Variants in PDE1C observed in about 807,000 individuals in gnomAD.
PDE1C encodes dual specificity calcium/calmodulin-dependent 3',5'-cyclic nucleotide phosphodiesterase 1C.
A neutral mutation model predicts 93.1 loss-of-function variants in PDE1C; 62 were observed. That is an observed-to-expected ratio of 0.67 (90% CI 0.54 to 0.82). The LOEUF is 0.82. PDE1C is among the 40% of genes least tolerant of loss of function. PDE1C has a pLI of 0.00. For missense variants in PDE1C, 742 were observed against 884.6 expected, an observed-to-expected ratio of 0.84 and a Z score of 2.04; for synonymous variants, 325 against 310.1, an observed-to-expected ratio of 1.05 and a Z score of -0.50.
intron 1 of PDE1C, among the ~76,000 whole-genome samples, chr7:32,311,162 A>G (rs1334299357): frequency 6.6e-6 from 1 of 152,258 alleles, no homozygotes; most frequent in Admixed American, 6.5e-5. Context: ...GAAGAAATGG[A>G]TAAATTCCTC....
chr7:32,182,327 C>T (rs1405286469), intron 2 of PDE1C, among the ~76,000 whole-genome samples: 2 of 152,222 alleles, frequency 1.3e-5, no homozygotes, highest in African/African-American at 2.4e-5. Context: ...GATACCAAAG[C>T]CTGGCAGAGA....
chr7:32,051,601 A>G, intron 1 of PDE1C, 21 bp from the exon 2 acceptor site: 4 of 1,611,798 alleles, frequency 2.5e-6, no homozygotes, highest in Non-Finnish European at 3.4e-6. Context: ...AGGCATAAAC[A>G]TATATCAGAA....
intron 2 of PDE1C, among the ~76,000 whole-genome samples, chr7:31,973,531 T>C (rs1427672436): frequency 6.6e-6 from 1 of 152,200 alleles, no homozygotes; most frequent in Non-Finnish European, 1.5e-5. Context: ...CAAGCTGATA[T>C]ACAAATGGAT....
chr7:31,904,718 T>C (rs1800381490), intron 2 of PDE1C, among the ~76,000 whole-genome samples: 1 of 152,112 alleles, frequency 6.6e-6, no homozygotes, highest in South Asian at 2.1e-4. Flanking sequence ...GTAAAATTAA[T>C]ATTTTAATTG....
At chr7:32,001,891 C>G (rs1443050691) in intron 2 of PDE1C, among the ~76,000 whole-genome samples, 1 of 152,092 alleles carries the variant, frequency 6.6e-6, no homozygotes, top group Non-Finnish European at 1.5e-5. Flanking sequence ...AAAACCCCAC[C>G]TCTACTAAAA....
the PDE1C span, among the ~76,000 whole-genome samples, chr7:31,693,299 C>T: frequency 7.2e-5 from 11 of 152,284 alleles, no homozygotes; most frequent in African/African-American, 2.4e-4. Flanking sequence ...AGGTTTGTAC[C>T]TCAAGAGACC....
intron 1 of PDE1C, among the ~76,000 whole-genome samples, chr7:32,229,705 C>T (rs1024726068): frequency 6.6e-6 from 1 of 152,154 alleles, no homozygotes; most frequent in Non-Finnish European, 1.5e-5. Flanking sequence ...AGAATACAGG[C>T]CCAAAGAGGG....
upstream of PDE1C, among the ~76,000 whole-genome samples, chr7:32,074,116 G>A (rs901229987): frequency 3.9e-5 from 6 of 152,032 alleles, no homozygotes; most frequent in African/African-American, 1.5e-4. Flanking sequence ...CTAAGTCTAT[G>A]GACTAGCCAA....
chr7:32,271,640 A>G (rs542038910), intron 1 of PDE1C, among the ~76,000 whole-genome samples: 1 of 152,344 alleles, frequency 6.6e-6, no homozygotes, highest in Non-Finnish European at 1.5e-5. Flanking sequence ...AGAAGAACTT[A>G]TTGACAAACA....
chr7:32,181,409 C>T (rs553890925), intron 2 of PDE1C, among the ~76,000 whole-genome samples: 1 of 152,288 alleles, frequency 6.6e-6, no homozygotes, highest in East Asian at 1.9e-4. Context: ...TAAAGCACTC[C>T]TCAGCAAATG....
chr7:32,206,075 A>G (rs559238750), intron 2 of PDE1C, among the ~76,000 whole-genome samples: 3 of 152,276 alleles, frequency 2.0e-5, no homozygotes, highest in Admixed American at 2.0e-4. Flanking sequence ...TTAGAGGGGT[A>G]AGGTTACCTG....
At chr7:31,988,155 C>A (rs1783658894) in intron 2 of PDE1C, among the ~76,000 whole-genome samples, 1 of 152,190 alleles carries the variant, frequency 6.6e-6, no homozygotes, top group African/African-American at 2.4e-5. Context: ...GTGGCTTCAC[C>A]CTCTGCCCTG....
intron 1 of PDE1C, among the ~76,000 whole-genome samples, chr7:32,412,420 C>T (rs1468911025): frequency 2.7e-5 from 4 of 146,914 alleles, no homozygotes; most frequent in South Asian, 4.3e-4. Context: ...CACACCACTG[C>T]ACTACAGTCT....
intron 3 of PDE1C, among the ~76,000 whole-genome samples, chr7:32,089,333 C>T (rs1046683725): frequency 6.6e-6 from 1 of 152,048 alleles, no homozygotes; most frequent in African/African-American, 2.4e-5. Context: ...TGAACTAAAG[C>T]CTGTCATTGA....
rs1808831415 is a variant in PDE1C, at chr7:31,960,801, G to C, written c.129-79941C>G. Among the ~76,000 whole-genome samples, 3 of 152,204 alleles carry C rather than the reference G, an allele frequency of 2.0e-5. No individual in the cohort carries two copies. The South Asian group carries it at 6.2e-4, about 32-fold the overall frequency. On this transcript the variant is annotated intron_variant, in intron 2 of 17. Transcript: ENST00000396191. ...AAATCTAAATGTCTAATAAGATATG[G>C]GAGTGACTACATAATTTTCCAAAAT...
chr7:31,857,615 C>G (rs913572216), intron 7 of PDE1C, among the ~76,000 whole-genome samples: 3 of 152,090 alleles, frequency 2.0e-5, no homozygotes, highest in African/African-American at 7.2e-5. Flanking sequence ...CATGCCCTCC[C>G]TAGAAGTCTC....
intron 2 of PDE1C, among the ~76,000 whole-genome samples, chr7:31,915,745 A>G (rs1801810758): frequency 6.6e-6 from 1 of 152,154 alleles, no homozygotes; most frequent in South Asian, 2.1e-4. Context: ...TGTAAATGTT[A>G]TTGTTTGTAT....
rs1016480235 is a variant in PDE1C, at chr7:31,862,756, T to C, written c.750+2186A>G. Among the ~76,000 whole-genome samples the C allele has an allele frequency of 7.2e-5, 11 of 152,340 alleles. No individual in the cohort carries two copies. In the East Asian group the frequency reaches 1.9e-3, roughly 27 times the overall value. ...TGGGAGAACACAAACATTCAGTCTA[T>C]AGTATCCCATAATAAAGGACCCAGC... On this transcript the variant is annotated intron_variant, in intron 7 of 17. Coordinates refer to ENST00000396191, the MANE Select transcript of PDE1C (RefSeq NM_001191057.4).
intron 1 of PDE1C, among the ~76,000 whole-genome samples, chr7:32,328,535 C>T (rs1192062634): frequency 6.6e-6 from 1 of 152,190 alleles, no homozygotes; most frequent in Non-Finnish European, 1.5e-5. Flanking sequence ...GTGCTCCAGA[C>T]ACACTGCCTC....
Sources: gnomAD v4.1 joint callset for allele counts (sites outside exome capture counted in the v4.1 genomes callset) on GRCh38, gnomAD v4.1.1 for gene constraint, MANE v1.5 for transcripts, NCBI Gene and HGNC (gene_info 2026-07-23, HGNC 2026-07-21) for gene names.